RBFOX3: variants seen among roughly 807,000 people sequenced by gnomAD.
The protein encoded by RBFOX3 is RNA binding protein fox-1 homolog 3.
In RBFOX3, 17 loss-of-function variants were observed where a neutral mutation model predicts 48.7. The ratio of observed to expected loss-of-function variants is 0.35; its 90% CI spans 0.24 to 0.52. The LOEUF (loss-of-function observed/expected upper bound fraction) is 0.52, where lower values mean the gene tolerates loss of function less well. Among genes scored for constraint, RBFOX3 ranks in the 20% least tolerant of loss-of-function variants. The pLI, the probability that RBFOX3 is intolerant of heterozygous loss-of-function variation, is 0.94. For missense variants in RBFOX3, 382 were observed against 497.5 expected (o/e 0.77, Z 2.21); for synonymous variants, 212 against 209.5 (o/e 1.01, Z -0.10).
chr17:79,484,546 G>C (rs1340607186), intron 1 of RBFOX3, among the ~76,000 whole-genome samples: 1 of 133,264 alleles, frequency 7.5e-6, no homozygotes, highest in African/African-American at 2.8e-5. Context: ...GGGCCTGGGT[G>C]CAGGGGGCCT....
At chr17:79,508,266 C>T (rs1184576075) in intron 1 of RBFOX3, among the ~76,000 whole-genome samples, 1 of 152,142 alleles carries the variant, frequency 6.6e-6, no homozygotes, top group Non-Finnish European at 1.5e-5. Context: ...AGAGGGGGTT[C>T]CTCCAGCACA....
intron 4 of RBFOX3, among the ~76,000 whole-genome samples, chr17:79,203,648 G>T (rs928400679): frequency 6.6e-6 from 1 of 151,278 alleles, no homozygotes; most frequent in African/African-American, 2.4e-5. Flanking sequence ...TGTAAGGACT[G>T]TGGGGGTGGT....
At chr17:79,304,618 A>G (rs2075842205) in intron 3 of RBFOX3, among the ~76,000 whole-genome samples, 1 of 152,148 alleles carries the variant, frequency 6.6e-6, no homozygotes, top group Admixed American at 6.5e-5. Flanking sequence ...ATTTTCCACA[A>G]AAACATCTAT....
chr17:79,416,430 AC>A (rs782775853), intron 2 of RBFOX3, among the ~76,000 whole-genome samples: 14 of 152,226 alleles, frequency 9.2e-5, no homozygotes, highest in Non-Finnish European at 1.5e-4. Flanking sequence ...CAAGGATAGC[AC>A]CACAGTCCCC....
At chr17:79,613,856 C>T (rs984734907), upstream of RBFOX3, among the ~76,000 whole-genome samples, 156 of 152,298 alleles carry the variant, frequency 1.0e-3, no homozygotes, top group African/African-American at 3.2e-3. Flanking sequence ...TGCCTGTAAT[C>T]CCAATTACTT....
intron 2 of RBFOX3, among the ~76,000 whole-genome samples, chr17:79,385,367 G>A (rs1221128093): frequency 6.6e-6 from 1 of 152,180 alleles, no homozygotes; most frequent in Non-Finnish European, 1.5e-5. Context: ...GTCACTGAAG[G>A]AAGAGCTTCA....
intron 2 of RBFOX3, among the ~76,000 whole-genome samples, chr17:79,356,697 G>C (rs1465566751): frequency 6.6e-6 from 1 of 151,862 alleles, no homozygotes; most frequent in Non-Finnish European, 1.5e-5. Flanking sequence ...TATGCCATCA[G>C]AGAAGGACAT....
chr17:79,576,765 A>C (rs1461569078), intron 1 of RBFOX3, among the ~76,000 whole-genome samples: 1 of 152,038 alleles, frequency 6.6e-6, no homozygotes, highest in Non-Finnish European at 1.5e-5. Flanking sequence ...GATGGAGAAG[A>C]TGGAGACCAT....
rs1194249628 is a variant in RBFOX3, at chr17:79,097,998, CCCCTGAGCAA to C, written c.569-263_569-254del. The C allele has an allele frequency of 1.9e-5, 10 of 529,196 alleles. No homozygotes were observed. The African/African-American group carries it at 1.9e-4, about 10-fold the overall frequency. The allele number at this position is 529,196 out of a possible 1,614,324, so 32.8% of individuals were successfully genotyped here. On this transcript the variant is annotated intron_variant, in intron 9 of 14. Coordinates refer to ENST00000693108, the MANE Select transcript of RBFOX3 (RefSeq NM_001350451.2). ...CCCAATTGTGATCCTCCTCAGCCTG[CCCCTGAGCAA>C]CCCTCACCCCTGGGCGTCATCCCCC...
At chr17:79,642,191 G>A in the RBFOX3 span, among the ~76,000 whole-genome samples, 2 of 152,150 alleles carry the variant, frequency 1.3e-5, no homozygotes, top group South Asian at 4.1e-4. Flanking sequence ...ATAATAGAAT[G>A]ATGGCTGCCA....
At chr17:79,235,221 T>C (rs1413454560) in intron 4 of RBFOX3, 1 of 152,118 alleles carries the variant, frequency 6.6e-6, no homozygotes, top group African/African-American at 2.4e-5. Flanking sequence ...AATGGACCAA[T>C]GGGCTCAGGC....
intron 4 of RBFOX3, among the ~76,000 whole-genome samples, chr17:79,124,045 A>G (rs11654190): frequency 0.29 from 43,387 of 152,158 alleles, 6,851 homozygotes; most frequent in African/African-American, 0.42. Context: ...CACAGCAGGC[A>G]GGGAAGCGCA....
Position 79,463,182 on chromosome 17 carries a change from T to TCGCCAC in RBFOX3, c.-175+19266_-175+19271dup, listed in dbSNP as rs1461799388. On this transcript the variant is annotated intron_variant, in intron 2 of 14. Coordinates refer to ENST00000693108, the MANE Select transcript of RBFOX3 (RefSeq NM_001350451.2). Reference sequence around the variant, plus strand: ...ATCGCCACTGCCACCTCCACCGCCATCGCCACTGCCACCGCCATCGCCACT... The same window carrying TCGCCAC: ...ATCGCCACTGCCACCTCCACCGCCATCGCCACCGCCACTGCCACCGCCATCGCCACT... 3.2e-4 allele frequency among the ~76,000 whole-genome samples: 14 copies of TCGCCAC among 43,720 alleles called. 1 individual carries two copies. The highest frequency in any genetic ancestry group is 5.9e-4 in the Non-Finnish European group (12 of 20,476). 28.7% of individuals were successfully genotyped at this position (43,720 alleles called of 152,430 possible).
intron 4 of RBFOX3, among the ~76,000 whole-genome samples, chr17:79,209,114 C>T (rs991118525): frequency 6.6e-5 from 10 of 152,154 alleles, no homozygotes; most frequent in East Asian, 3.9e-4. Flanking sequence ...CCACCACGCC[C>T]GGCCCCTGGC....
At chr17:79,159,568 T>C (rs1383226894) in intron 4 of RBFOX3, among the ~76,000 whole-genome samples, 1 of 152,128 alleles carries the variant, frequency 6.6e-6, no homozygotes. Context: ...GGGAAAATGC[T>C]CACCTGGTCT....
chr17:79,457,767 T>C (rs2074761682), intron 2 of RBFOX3, among the ~76,000 whole-genome samples: 1 of 152,132 alleles, frequency 6.6e-6, no homozygotes, highest in African/African-American at 2.4e-5. Context: ...GCGAGTCCAG[T>C]GTGGGGAGGT....
At position 79,140,815 on chromosome 17, in the gene RBFOX3, G is replaced by A. The variant is rs76459642; in HGVS notation, c.-33-25067C>T. ...ATCCATCCCTCACACTTCTCCACCC[G>A]GAATTCTTTTTTTTGCCAAAGACCT... On this transcript the variant is annotated intron_variant, in intron 4 of 14. Coordinates refer to ENST00000693108, the MANE Select transcript of RBFOX3 (RefSeq NM_001350451.2). 4.9e-3 allele frequency among the ~76,000 whole-genome samples: 747 copies of A among 152,302 alleles called. 7 individuals carry two copies. The highest frequency in any genetic ancestry group is 0.017 in the African/African-American group (689 of 41,554).
chr17:79,358,544 T>C (rs1469744527), intron 2 of RBFOX3, among the ~76,000 whole-genome samples: 1 of 152,200 alleles, frequency 6.6e-6, no homozygotes, highest in East Asian at 1.9e-4. Context: ...TGCTGCAACC[T>C]CTACCTCCCG....
rs564206178 is a variant in RBFOX3 at position 79,249,181 on chromosome 17, C to T, written c.-73-13376G>A. 6.6e-5 allele frequency among the ~76,000 whole-genome samples: 10 copies of T among 152,302 alleles called. No individual in the cohort carries two copies. Among genetic ancestry groups the T allele is most frequent in the Non-Finnish European group, 1.3e-4 (9 of 68,024 alleles). On this transcript the variant is annotated intron_variant, in intron 3 of 14. Transcript: ENST00000693108. The surrounding 1 kb of genome is among the most constrained non-coding windows in gnomAD (Gnocchi z 4.1). ...TGGAACCACCCTGAAGCTAGGGACT[C>T]GGCTCAGGAACTGCTGCTTGCTGGG...
Sources: allele counts gnomAD v4.1 joint callset (sites outside exome capture counted in the v4.1 genomes callset), GRCh38; gene constraint gnomAD v4.1.1; non-coding constraint Gnocchi (gnomAD v3.1); transcripts MANE v1.5; gene names NCBI Gene and HGNC (gene_info 2026-07-23, HGNC 2026-07-21).